INPP5F: variants seen among roughly 807,000 people sequenced by gnomAD.
INPP5F encodes inositol polyphosphate-5-phosphatase F.
Under a neutral mutation model 137.2 loss-of-function variants are expected in INPP5F, and 97 were observed. The ratio of observed to expected loss-of-function variants is 0.71; its 90% CI spans 0.60 to 0.84. The LOEUF is 0.84. INPP5F is among the 40% of genes least tolerant of loss of function. The pLI is 0.00. For synonymous variants in INPP5F, 504 were observed against 476.9 expected (o/e 1.06, Z -0.74); for missense variants, 1,271 against 1,371.9 (o/e 0.93, Z 1.16).
chr10:119,736,591 A>G (rs987839578), intron 1 of INPP5F, among the ~76,000 whole-genome samples: 9 of 152,180 alleles, frequency 5.9e-5, no homozygotes, highest in Non-Finnish European at 1.3e-4. Context: ...TCCTAATTAC[A>G]CTGTGGGACC....
chr10:119,750,756 G>A (rs879591579), intron 1 of INPP5F, among the ~76,000 whole-genome samples: 5 of 152,152 alleles, frequency 3.3e-5, no homozygotes, highest in Non-Finnish European at 7.4e-5. Flanking sequence ...ACCACACGCA[G>A]CTCCTCCGTT....
At position 119,791,892 on chromosome 10, in the gene INPP5F, G is replaced by A. The variant is rs1379514208; in HGVS notation, c.468G>A (p.Glu156=). Residue 156 remains glutamate, a synonymous_variant, in exon 5 of 20, where the codon GAG becomes GAA. Coordinates refer to ENST00000650623, the MANE Select transcript of INPP5F (RefSeq NM_014937.4). ...AGGTTAAGGAAAGTAAAGAGAAGGA[G>A]AAGTTGGAGAGGAGATTACTTGAAG... ...KKKVKESKEK[E]KLERRLLEEL... 1 of 1,608,988 alleles carries A rather than the reference G, an allele frequency of 6.2e-7. No homozygotes were observed. Among genetic ancestry groups the A allele is most frequent in the Admixed American group, 1.7e-5 (1 of 59,262 alleles).
chr10:119,804,026 A>G, intron 9 of INPP5F, 147 bp from the exon 10 acceptor site: 1 of 538,836 alleles, frequency 1.9e-6, no homozygotes, highest in Admixed American at 3.8e-5. Flanking sequence ...TGAGTGGATT[A>G]ATTTCTAAGT....
intron 15 of INPP5F, chr10:119,816,428 A>T (rs1851281503): frequency 6.6e-6 from 1 of 150,712 alleles, no homozygotes; most frequent in South Asian, 2.1e-4. Context: ...TTCTTTATTA[A>T]CTCCTCTTTG....
chr10:119,751,239 C>T, intron 2 of INPP5F, 83 bp downstream of exon 2: 2 of 850,688 alleles, frequency 2.4e-6, no homozygotes, highest in South Asian at 1.4e-5. Flanking sequence ...ACATGAGATT[C>T]TCTTATAGCT....
At chr10:119,761,347 A>G (rs1256939481) in intron 2 of INPP5F, among the ~76,000 whole-genome samples, 4 of 152,244 alleles carry the variant, frequency 2.6e-5, no homozygotes, top group Admixed American at 1.3e-4. Context: ...AATAGCTGCT[A>G]TGTTTGGAAG....
chr10:119,761,080 A>AT (rs568071932), intron 2 of INPP5F, among the ~76,000 whole-genome samples: 100 of 152,192 alleles, frequency 6.6e-4, no homozygotes, highest in African/African-American at 2.2e-3. Context: ...AAGAGTTTAT[A>AT]TTTTTTTAGA....
At chr10:119,773,049 A>G (rs542313617) in intron 2 of INPP5F, among the ~76,000 whole-genome samples, 36 of 148,060 alleles carry the variant, frequency 2.4e-4, no homozygotes, top group African/African-American at 8.8e-4. Context: ...CGCCCAGCCT[A>G]ATTTTTAAAA....
chr10:119,730,588 T>C (rs1478074658), intron 1 of INPP5F, among the ~76,000 whole-genome samples: 2 of 152,230 alleles, frequency 1.3e-5, no homozygotes, highest in African/African-American at 2.4e-5. Context: ...GTCTTAAAAT[T>C]GCTTCCTCTA....
Position 119,797,563 on chromosome 10 carries a change from T to G in INPP5F, c.971T>G (p.Val324Gly). ...IHVHNHTLSF[V>G]QTRGSVPVFW... is the part of the protein sequence containing the mutation. Reference sequence around the variant, plus strand: ...GTTCATAATCATACCCTGTCATTTGTTCAAACACGAGGCTCTGTGCCTGTC... The same window carrying G: ...GTTCATAATCATACCCTGTCATTTGGTCAAACACGAGGCTCTGTGCCTGTC... The change falls in exon 8 of 20, where the codon GTT (valine) becomes GGT (glycine). Residue 324 changes from valine to glycine, a missense_variant. This residue lies in a region of INPP5F where 593 missense variants were observed against 712.4 expected (regional missense o/e 0.83). Transcript: ENST00000650623. The G allele has an allele frequency of 6.2e-7, 1 of 1,613,362 alleles. No individual in the cohort carries two copies.
chr10:119,809,555 G>C (rs1280103261), intron 13 of INPP5F, among the ~76,000 whole-genome samples: 1 of 152,134 alleles, frequency 6.6e-6, no homozygotes, highest in African/African-American at 2.4e-5. Context: ...GTTGTGAAAA[G>C]CGCAAGGGAA....
At chr10:119,758,968 G>A (rs1168837611) in intron 2 of INPP5F, among the ~76,000 whole-genome samples, 9 of 152,134 alleles carry the variant, frequency 5.9e-5, no homozygotes, top group Non-Finnish European at 1.2e-4. Flanking sequence ...AGTGGTAAAT[G>A]GAGTGTCACT....
At chr10:119,743,509 G>A (rs763724184) in intron 1 of INPP5F, among the ~76,000 whole-genome samples, 2 of 152,154 alleles carry the variant, frequency 1.3e-5, no homozygotes, top group African/African-American at 2.4e-5. Context: ...GCTGGGTGTG[G>A]GTGGAGTGGG....
At chr10:119,815,189 T>G (rs1365758533) in intron 15 of INPP5F, 1 of 152,114 alleles carries the variant, frequency 6.6e-6, no homozygotes, top group Non-Finnish European at 1.5e-5. Context: ...TGTTTTGGGA[T>G]AGCTTCCACT....
chr10:119,777,277 A>G (rs905879445), intron 2 of INPP5F, among the ~76,000 whole-genome samples: 3 of 152,156 alleles, frequency 2.0e-5, no homozygotes, highest in African/African-American at 7.2e-5. Context: ...TGAGAGGCCA[A>G]GTCGGGCGCA....
chr10:119,819,507 G>T, intron 15 of INPP5F: 3 of 1,604,958 alleles, frequency 1.9e-6, no homozygotes, highest in Admixed American at 1.7e-5. Flanking sequence ...TAATTTTTAT[G>T]GCTTGGCTCA....
At chr10:119,816,766 C>G (rs1181736631) in intron 15 of INPP5F, 1 of 152,228 alleles carries the variant, frequency 6.6e-6, no homozygotes, top group Non-Finnish European at 1.5e-5. Flanking sequence ...AGCTCCCAGA[C>G]TTGGGGACTT....
intron 6 of INPP5F, among the ~76,000 whole-genome samples, chr10:119,795,905 G>A (rs1408108920): frequency 3.9e-5 from 6 of 152,198 alleles, no homozygotes; most frequent in East Asian, 1.9e-4. Flanking sequence ...GGGAAACCCC[G>A]TCTCCACCAA....
At chr10:119,744,788 A>G (rs1848481657) in intron 1 of INPP5F, among the ~76,000 whole-genome samples, 1 of 152,042 alleles carries the variant, frequency 6.6e-6, no homozygotes, top group Admixed American at 6.6e-5. Context: ...TCAAGTAATC[A>G]TCCTGCTTCA....
Sources: allele counts gnomAD v4.1 joint callset (sites outside exome capture counted in the v4.1 genomes callset), GRCh38; gene constraint gnomAD v4.1.1; regional missense constraint gnomAD v4.1.1; transcripts MANE v1.5; gene names NCBI Gene and HGNC (gene_info 2026-07-23, HGNC 2026-07-21).